The following JAZF1 variants were observed in gnomAD, a reference collection of about 807,000 sequenced individuals.
The protein encoded by JAZF1 is juxtaposed with another zinc finger protein 1.
JAZF1 carries 8 observed loss-of-function variants against 26.4 expected under a neutral mutation model. That is an observed-to-expected ratio of 0.30 (90% CI 0.18 to 0.55). The LOEUF is 0.55. Among genes scored for constraint, JAZF1 ranks in the 20% least tolerant of loss-of-function variants. The pLI is 0.94. For missense variants in JAZF1, 199 were observed against 322.0 expected, an observed-to-expected ratio of 0.62 and a Z score of 2.92; for synonymous variants, 126 against 122.3, an observed-to-expected ratio of 1.03 and a Z score of -0.20.
intron 1 of JAZF1, among the ~76,000 whole-genome samples, chr7:28,000,588 C>T (rs954229063): frequency 2.0e-5 from 3 of 148,186 alleles, no homozygotes; most frequent in Non-Finnish European, 4.4e-5. Flanking sequence ...GATAAGTGCT[C>T]CTATTTTCTT....
At chr7:27,880,557 C>T (rs796646322) in intron 3 of JAZF1, among the ~76,000 whole-genome samples, 2 of 151,944 alleles carry the variant, frequency 1.3e-5, no homozygotes, top group Non-Finnish European at 2.9e-5. Flanking sequence ...TGCTTGAACC[C>T]GAGAGACAGA....
intron 2 of JAZF1, among the ~76,000 whole-genome samples, chr7:27,920,876 T>C (rs1041159393): frequency 1.3e-5 from 2 of 152,258 alleles, no homozygotes; most frequent in Admixed American, 6.5e-5. Context: ...TTTCCTAATG[T>C]AAAACACAGC....
chr7:27,927,358 T>C (rs185911968), intron 2 of JAZF1, among the ~76,000 whole-genome samples: 2 of 152,342 alleles, frequency 1.3e-5, no homozygotes, highest in Non-Finnish European at 2.9e-5. Flanking sequence ...ATTAAGAGGA[T>C]GGGCTGCGAA....
chr7:28,147,763 T>C lies in JAZF1; in HGVS notation c.115+32700A>G, dbSNP rs151033285. On this transcript the variant is annotated intron_variant, in intron 1 of 4. Coordinates refer to ENST00000283928, the MANE Select transcript of JAZF1 (RefSeq NM_175061.4). ...CAGGTGTGTTGACACATACCTGTAG[T>C]GTCAGCTACCTGGGAGTGGGCTGGG... is the stretch of plus-strand genomic sequence containing the variant. Among the ~76,000 whole-genome samples the C allele has an allele frequency of 5.4e-3, 811 of 150,344 alleles. 5 individuals carry two copies. Among genetic ancestry groups the C allele is most frequent in the Middle Eastern group, 0.021 (6 of 286 alleles).
intron 1 of JAZF1, among the ~76,000 whole-genome samples, chr7:28,146,959 C>T (rs573180085): frequency 6.6e-6 from 1 of 150,386 alleles, no homozygotes; most frequent in African/African-American, 2.4e-5. Context: ...TGGGTTCAAA[C>T]AATTCTTCTG....
intron 1 of JAZF1, among the ~76,000 whole-genome samples, chr7:28,156,423 G>GACTTGTGT (rs1389352630): frequency 6.6e-6 from 1 of 152,204 alleles, no homozygotes; most frequent in Non-Finnish European, 1.5e-5. Context: ...TGTCTATTTT[G>GACTTGTGT]ACTTGTGTAC....
At position 27,965,082 on chromosome 7, in the gene JAZF1, A is replaced by G. The variant is rs531589250; in HGVS notation, c.188+26827T>C. Among the ~76,000 whole-genome samples the G allele has an allele frequency of 2.6e-5, 4 of 152,332 alleles. No homozygotes were observed. The South Asian group carries it at 6.2e-4, about 24-fold the overall frequency. On this transcript the variant is annotated intron_variant, in intron 2 of 4. Transcript: ENST00000283928. ...TTTCATTTATAGATACTGACACTGC[A>G]TATTTCAGTATATATCAGACACAAA...
At chr7:28,047,032 A>G (rs1783508367) in intron 1 of JAZF1, among the ~76,000 whole-genome samples, 1 of 152,166 alleles carries the variant, frequency 6.6e-6, no homozygotes, top group Admixed American at 6.5e-5. Flanking sequence ...GGACTTCTCC[A>G]TGACTATAAA....
chr7:27,846,407 G>A (rs1216399923), intron 3 of JAZF1: 4 of 457,172 alleles, frequency 8.7e-6, no homozygotes, highest in Non-Finnish European at 4.5e-6. Context: ...ACGTATACAT[G>A]TATATATATA....
At chr7:27,969,937 T>C (rs566846762) in intron 2 of JAZF1, among the ~76,000 whole-genome samples, 13 of 152,354 alleles carry the variant, frequency 8.5e-5, no homozygotes, top group Admixed American at 5.9e-4. Flanking sequence ...GGATGTACAA[T>C]AGAAAGATCT....
intron 2 of JAZF1, among the ~76,000 whole-genome samples, chr7:27,908,667 A>C (rs1784305539): frequency 6.6e-6 from 1 of 152,200 alleles, no homozygotes; most frequent in African/African-American, 2.4e-5. Context: ...ACCAATCAGA[A>C]GGGGCCCAGT....
chr7:28,149,113 G>GA (rs1783070094), intron 1 of JAZF1, among the ~76,000 whole-genome samples: 1 of 152,158 alleles, frequency 6.6e-6, no homozygotes, highest in African/African-American at 2.4e-5. Flanking sequence ...AAGGAATCAG[G>GA]ATGGTGGGCC....
chr7:28,151,659 G>A (rs1044393819), intron 1 of JAZF1, among the ~76,000 whole-genome samples: 4 of 151,628 alleles, frequency 2.6e-5, no homozygotes, highest in Admixed American at 6.6e-5. Context: ...AAAGTTAGCC[G>A]GGCATGATGG....
chr7:27,919,904 A>G (rs1222836729), intron 2 of JAZF1, among the ~76,000 whole-genome samples: 1 of 152,174 alleles, frequency 6.6e-6, no homozygotes, highest in African/African-American at 2.4e-5. Context: ...TTTACAATCA[A>G]CAACTTGTGG....
chr7:27,921,825 A>C (rs1462343834), intron 2 of JAZF1, among the ~76,000 whole-genome samples: 1 of 152,180 alleles, frequency 6.6e-6, no homozygotes, highest in African/African-American at 2.4e-5. Flanking sequence ...CGAGACCAGG[A>C]GTTCAAGATC....
intron 1 of JAZF1, among the ~76,000 whole-genome samples, chr7:28,174,400 C>G (rs1421174281): frequency 6.6e-6 from 1 of 152,210 alleles, no homozygotes; most frequent in Non-Finnish European, 1.5e-5. Flanking sequence ...GTGTCACCAG[C>G]CTGTGCCAGC....
chr7:27,832,208 CAGAA>C lies in JAZF1; in HGVS notation c.*588_*591del, dbSNP rs1360238776. The stretch of plus-strand genomic sequence containing the variant: ...AGGATTTGCAAGATAATATAAAACA[CAGAA>C]AGCACACCTTTACGTATGTTATTTA... On this transcript the variant is annotated 3_prime_UTR_variant, in exon 5 of 5. Coordinates refer to ENST00000283928, the MANE Select transcript of JAZF1 (RefSeq NM_175061.4). The C allele has an allele frequency of 3.8e-5, 8 of 211,850 alleles. No homozygotes were observed. Among genetic ancestry groups the C allele is most frequent in the Non-Finnish European group, 9.6e-6 (1 of 104,418 alleles). The allele number at this position is 211,850 out of a possible 1,614,324, so 13.1% of individuals were successfully genotyped here. A position where few individuals can be genotyped will look rare whatever the true frequency, so the allele number is the denominator to read the frequency against.
intron 1 of JAZF1, among the ~76,000 whole-genome samples, chr7:28,034,004 A>C (rs1217846169): frequency 6.6e-6 from 1 of 152,104 alleles, no homozygotes; most frequent in Non-Finnish European, 1.5e-5. Flanking sequence ...CGGCCTCCCA[A>C]AGTGCTGGGA....
chr7:27,987,852 C>A (rs2128364233), intron 2 of JAZF1, among the ~76,000 whole-genome samples: 1 of 152,344 alleles, frequency 6.6e-6, no homozygotes, highest in South Asian at 2.1e-4. Flanking sequence ...AAGAAAAATT[C>A]TTCTGCCTTG....
Sources: allele counts gnomAD v4.1 joint callset (sites outside exome capture counted in the v4.1 genomes callset), GRCh38; gene constraint gnomAD v4.1.1; transcripts MANE v1.5; gene names NCBI Gene and HGNC (gene_info 2026-07-23, HGNC 2026-07-21).